Variants in ERCC6 observed in about 807,000 individuals in gnomAD.
The protein encoded by ERCC6 is DNA excision repair protein ERCC-6.
Under a neutral mutation model 158.7 loss-of-function variants are expected in ERCC6, and 116 were observed. The ratio of observed to expected loss-of-function variants is 0.73; its 90% CI spans 0.63 to 0.85. ERCC6 has a LOEUF of 0.85. ERCC6 is among the 40% of genes least tolerant of loss of function. ERCC6 has a pLI of 0.00. For missense variants in ERCC6, 1,698 were observed against 1,799.4 expected (o/e 0.94, Z 1.02); for synonymous variants, 678 against 659.3 (o/e 1.03, Z -0.43).
chr10:49,506,210 T>C (rs956277692), intron 5 of ERCC6, 198 bp from the exon 6 acceptor site: 10 of 610,434 alleles, frequency 1.6e-5, no homozygotes, highest in Non-Finnish European at 2.6e-5. Flanking sequence ...TCATTTCTTA[T>C]GTAAATTATT....
At chr10:49,521,942 G>A (rs989463014) in intron 5 of ERCC6, among the ~76,000 whole-genome samples, 1 of 152,156 alleles carries the variant, frequency 6.6e-6, no homozygotes, top group Admixed American at 6.5e-5. Context: ...TGGCTCTCAA[G>A]CTGAGAGAAT....
At position 49,532,601 on chromosome 10, in the gene ERCC6, G is replaced by T. The variant is rs374014916; in HGVS notation, c.364C>A (p.Arg122Ser). The T allele has an allele frequency of 1.1e-5, 18 of 1,614,090 alleles. No homozygotes were observed. Among genetic ancestry groups the T allele is most frequent in the Non-Finnish European group, 1.5e-5 (18 of 1,180,054 alleles). The change falls in exon 2 of 21, where the codon CGT becomes AGT. Residue 122 changes from arginine (R) to serine (S), a missense_variant. Physicochemically the swap from Arg to Ser is moderately radical, Grantham distance 110. Transcript: ENST00000355832. ...TCCACGTCAACGAGCTGGGAGGCAC[G>T]GCTGGCCTCATGGATGGCATTGTCC... ...QVDNAIHEASRASQLVDVEKE... is the reference protein window; with the variant it reads ...QVDNAIHEASSASQLVDVEKE...
intron 9 of ERCC6, 79 bp downstream of exon 9, chr10:49,483,267 G>T: frequency 7.2e-7 from 1 of 1,396,590 alleles, no homozygotes; most frequent in Middle Eastern, 1.8e-4. Context: ...CAATAAATGT[G>T]TTACTAAAAG....
At chr10:49,513,634 G>C (rs191076765) in intron 5 of ERCC6, among the ~76,000 whole-genome samples, 3 of 152,252 alleles carry the variant, frequency 2.0e-5, no homozygotes, top group African/African-American at 7.2e-5. Context: ...AAGGCGGCAG[G>C]AGGAAGTGAG....
In ERCC6 at chr10:49,532,563, C is replaced by T. The variant is rs1404366062; in HGVS notation, c.402G>A (p.Arg134=). The change falls in exon 2 of 21, where the codon CGG becomes CGA. Residue 134 remains arginine, a synonymous_variant. Transcript: ENST00000355832. ...CTCACGTGAGGTCATCCAGGACCGA[C>T]CGATACTCCTTCTCCACGTCAACGA... ...SQLVDVEKEY[R]SVLDDLTSCT... is the part of the protein sequence containing the mutation. 9.3e-6 allele frequency: 15 copies of T among 1,613,998 alleles called. No homozygotes were observed. The highest frequency in any genetic ancestry group is 6.7e-5 in the African/African-American group (5 of 74,928).
Position 49,470,394 on chromosome 10 carries a change from C to A in ERCC6, c.3566G>T (p.Ser1189Ile). ...CTCCAGGGTCTCTTCTTCTGCCACA[C>A]TATGATGTTTTGTTTTTGACTTGTG... The part of the protein sequence containing the change: ...YKHKSKTKHH[S>I]VAEEETLEKH... The change falls in exon 18 of 21, where the codon AGT becomes ATT. Residue 1189 changes from serine to isoleucine, a missense_variant. By Grantham distance (142) the Ser-to-Ile change is moderately radical. Transcript: ENST00000355832. 1 of 1,614,164 alleles carries A rather than the reference C, an allele frequency of 6.2e-7. No homozygotes were observed. The highest frequency in any genetic ancestry group is 8.5e-7 in the Non-Finnish European group (1 of 1,180,020).
Position 49,473,747 on chromosome 10 carries a change from G to T in ERCC6, c.2599-160C>A, listed in dbSNP as rs1590408839. On this transcript the variant is annotated intron_variant, in intron 13 of 20. Coordinates refer to ENST00000355832, the MANE Select transcript of ERCC6 (RefSeq NM_000124.4). ...ACAGAACTGTTAAAAGAGTATTTTT[G>T]GTATTTCCGTATGGTTAATTCTTAC... Among the ~76,000 whole-genome samples the T allele has an allele frequency of 2.0e-5, 3 of 152,244 alleles. No individual in the cohort carries two copies. In the Middle Eastern group the frequency reaches 0.01, roughly 518 times the overall value.
the ERCC6 span, among the ~76,000 whole-genome samples, chr10:49,442,618 A>G: frequency 2.6e-5 from 4 of 152,232 alleles, no homozygotes; most frequent in Non-Finnish European, 5.9e-5. Context: ...GTCTTTTTCC[A>G]AATCTGAAAC....
chr10:49,445,119 G>A, the ERCC6 span, among the ~76,000 whole-genome samples: 1 of 152,170 alleles, frequency 6.6e-6, no homozygotes, highest in Non-Finnish European at 1.5e-5. Context: ...AGTAAATGTA[G>A]AAAATGCAAC....
Position 49,461,398 on chromosome 10 carries a change from T to C in ERCC6, c.3937A>G (p.Thr1313Ala), listed in dbSNP as rs1850579662. The C allele has an allele frequency of 6.2e-7, 1 of 1,613,816 alleles. No homozygotes were observed. Among genetic ancestry groups the C allele is most frequent in the Non-Finnish European group, 8.5e-7 (1 of 1,180,038 alleles). ...GAAATCCCCCTGTGGCCAGTCCAGG[T>C]GGGAACACCAGACACTGCTCCCAGA... is the stretch of plus-strand genomic sequence containing the variant. ...RCLGAVSGVP[T>A]WTGHRGISGA... The change falls in exon 19 of 21, where the codon ACC becomes GCC. Residue 1313 changes from threonine to alanine, a missense_variant. Thr to Ala is a moderately conservative substitution (Grantham distance 58). Transcript: ENST00000355832.
intron 18 of ERCC6, among the ~76,000 whole-genome samples, chr10:49,462,311 C>T (rs1025473404): frequency 2.0e-5 from 3 of 152,228 alleles, no homozygotes; most frequent in Middle Eastern, 3.4e-3. Context: ...GGGGCACAAA[C>T]GTTGGGGCAT....
At chr10:49,469,362 T>G (rs1437868575) in intron 18 of ERCC6, among the ~76,000 whole-genome samples, 2 of 152,116 alleles carry the variant, frequency 1.3e-5, no homozygotes, top group African/African-American at 4.8e-5. Flanking sequence ...ATCACCTCTG[T>G]GGCATTCCTA....
the ERCC6 span, among the ~76,000 whole-genome samples, chr10:49,435,230 T>C: frequency 6.6e-6 from 1 of 152,202 alleles, no homozygotes. Flanking sequence ...CTGATAGATT[T>C]ATAAAGAGAA....
intron 11 of ERCC6, among the ~76,000 whole-genome samples, chr10:49,476,688 ACCTGGAGCTCTCCCTCT>A (rs1850883618): frequency 6.6e-6 from 1 of 151,878 alleles, no homozygotes; most frequent in South Asian, 2.1e-4. Flanking sequence ...CCACAACCTC[ACCTGGAGCTCTCCCTCT>A]CCTGGAGCTC....
rs773713355 is a variant in ERCC6, at chr10:49,483,525, A to G, written c.1822-9T>C. ...TCTCGAATTAGTTTCTCCTGAGACC[A>G]CAATAAAATGGTAAAGTCAGTTTTA... On this transcript the variant is annotated splice_polypyrimidine_tract_variant and intron_variant, in intron 8 of 20. Transcript: ENST00000355832. 5.0e-6 allele frequency: 8 copies of G among 1,613,730 alleles called. No homozygotes were observed. Among genetic ancestry groups the G allele is most frequent in the African/African-American group, 1.3e-5 (1 of 74,934 alleles).
intron 5 of ERCC6, 124 bp from the exon 6 acceptor site, chr10:49,506,136 CATT>C (rs1851439183): frequency 9.8e-7 from 1 of 1,016,316 alleles, no homozygotes; most frequent in African/African-American, 1.6e-5. Flanking sequence ...TTAATGCTGC[CATT>C]ATTACCCAAA....
chr10:49,442,036 C>A, the ERCC6 span, among the ~76,000 whole-genome samples: 2 of 152,160 alleles, frequency 1.3e-5, no homozygotes, highest in Non-Finnish European at 2.9e-5. Context: ...CCCCAGGCTG[C>A]CGGTATCCAA....
intron 20 of ERCC6, chr10:49,459,945 C>T: frequency 3.9e-6 from 1 of 257,116 alleles, no homozygotes; most frequent in Non-Finnish European, 7.5e-6. Flanking sequence ...GCACTCAAGG[C>T]AAGCAGGGCA....
At chr10:49,466,664 T>G (rs1487120107) in intron 18 of ERCC6, among the ~76,000 whole-genome samples, 1 of 152,244 alleles carries the variant, frequency 6.6e-6, no homozygotes, top group Non-Finnish European at 1.5e-5. Context: ...ATCCAATTTC[T>G]GTCATGACTG....
Sources: allele counts gnomAD v4.1 joint callset (sites outside exome capture counted in the v4.1 genomes callset), GRCh38; gene constraint gnomAD v4.1.1; transcripts MANE v1.5; gene names NCBI Gene and HGNC (gene_info 2026-07-23, HGNC 2026-07-21).